Variants in MIPOL1 observed in about 807,000 individuals in gnomAD.
The protein encoded by MIPOL1 is mirror-image polydactyly gene 1 protein.
In MIPOL1, 57 loss-of-function variants were observed where a neutral mutation model predicts 60.9. That is an observed-to-expected ratio of 0.94 (90% CI 0.76 to 1.17). The LOEUF is 1.17. Ranked by LOEUF, MIPOL1 falls within the 50% of genes most tolerant of loss-of-function variation. The probability of loss-of-function intolerance (pLI) is 0.00; values close to 1 mark genes in which losing one functional copy is unlikely to be tolerated. For missense variants in MIPOL1, 551 were observed against 511.6 expected, an observed-to-expected ratio of 1.08 and a Z score of -0.74; for synonymous variants, 179 against 168.8, an observed-to-expected ratio of 1.06 and a Z score of -0.47.
chr14:37,263,538 G>A (rs185144655), intron 3 of MIPOL1, among the ~76,000 whole-genome samples: 85 of 152,254 alleles, frequency 5.6e-4, no homozygotes, highest in African/African-American at 1.9e-3. Context: ...TGAAGTGGTC[G>A]AATTCTTATG....
At chr14:37,299,528 C>G (rs2086172587) in intron 7 of MIPOL1, among the ~76,000 whole-genome samples, 1 of 152,050 alleles carries the variant, frequency 6.6e-6, no homozygotes, top group African/African-American at 2.4e-5. Flanking sequence ...GTTCATGAGT[C>G]TATATGATGG....
chr14:37,488,368 G>A (rs962437648), intron 11 of MIPOL1, among the ~76,000 whole-genome samples: 1 of 152,134 alleles, frequency 6.6e-6, no homozygotes, highest in African/African-American at 2.4e-5. Context: ...TTGAATTCCT[G>A]AATGTTCTTA....
chr14:37,290,752 TTATTA>T (rs564629714), intron 7 of MIPOL1, among the ~76,000 whole-genome samples: 107 of 152,290 alleles, frequency 7.0e-4, no homozygotes, highest in African/African-American at 2.5e-3. Context: ...CATTTGCAGG[TTATTA>T]TATAAGTAAA....
At position 37,533,215 on chromosome 14, in the gene MIPOL1, T is replaced by A. The variant is rs199545799; in HGVS notation, c.1263-13690T>A. 3.9e-5 allele frequency among the ~76,000 whole-genome samples: 6 copies of A among 152,276 alleles called. No homozygotes were observed. In the East Asian group the frequency reaches 1.2e-3, roughly 29 times the overall value. ...AAAGATTAGGACTTTATACAATGTC[T>A]AAGCCCAATAACATGCAGTTTTAAA... On this transcript the variant is annotated intron_variant, in intron 12 of 12. Coordinates refer to ENST00000684589, the MANE Select transcript of MIPOL1 (RefSeq NM_001388067.1).
chr14:37,390,836 A>G (rs1851596027), intron 10 of MIPOL1, among the ~76,000 whole-genome samples: 2 of 151,996 alleles, frequency 1.3e-5, no homozygotes, highest in South Asian at 4.1e-4. Context: ...AGGAGATGAG[A>G]AAGACAACGT....
chr14:37,221,634 G>T (rs1435554762), intron 1 of MIPOL1, among the ~76,000 whole-genome samples: 1 of 152,050 alleles, frequency 6.6e-6, no homozygotes, highest in Non-Finnish European at 1.5e-5. Context: ...AGAGAGAGAG[G>T]AAAGGGTGAA....
At chr14:37,221,021 A>G (rs1043276881) in intron 1 of MIPOL1, among the ~76,000 whole-genome samples, 3 of 149,396 alleles carry the variant, frequency 2.0e-5, no homozygotes, top group South Asian at 2.2e-4. Flanking sequence ...TTAGATGCCT[A>G]TGCTTTGTTT....
At chr14:37,501,935 A>C (rs1012789147) in intron 12 of MIPOL1, 1 of 152,354 alleles carries the variant, frequency 6.6e-6, no homozygotes, top group Non-Finnish European at 1.5e-5. Flanking sequence ...CCTGCAGACC[A>C]GGAGATTCTC....
intron 12 of MIPOL1, among the ~76,000 whole-genome samples, chr14:37,511,155 A>G (rs1594803866): frequency 6.6e-6 from 1 of 152,196 alleles, no homozygotes; most frequent in African/African-American, 2.4e-5. Flanking sequence ...GTTGTACAGG[A>G]TTACCATCCA....
chr14:37,272,178 T>C (rs2153393453), intron 6 of MIPOL1, among the ~76,000 whole-genome samples: 1 of 151,714 alleles, frequency 6.6e-6, no homozygotes, highest in South Asian at 2.1e-4. Flanking sequence ...AAAATAACAG[T>C]GTTATTTAGT....
intron 9 of MIPOL1, among the ~76,000 whole-genome samples, chr14:37,337,542 G>A (rs1431762774): frequency 6.7e-6 from 1 of 149,722 alleles, no homozygotes; most frequent in Admixed American, 6.7e-5. Context: ...CTAATTTTTT[G>A]TATTTTTAGT....
intron 4 of MIPOL1, 66 bp downstream of exon 4, chr14:37,267,235 C>G (rs991452221): frequency 5.6e-6 from 7 of 1,254,320 alleles, no homozygotes; most frequent in Admixed American, 3.6e-5. Flanking sequence ...TGCCTGTAAT[C>G]TCAGCACTTT....
At chr14:37,498,484 G>A (rs922418471) in intron 11 of MIPOL1, among the ~76,000 whole-genome samples, 2 of 152,090 alleles carry the variant, frequency 1.3e-5, no homozygotes, top group Non-Finnish European at 2.9e-5. Flanking sequence ...GAACAGACAA[G>A]AATGCAGAAA....
At chr14:37,356,723 CCTTGCG>C (rs970689525) in intron 9 of MIPOL1, among the ~76,000 whole-genome samples, 3 of 152,230 alleles carry the variant, frequency 2.0e-5, no homozygotes, top group African/African-American at 7.2e-5. Flanking sequence ...CTCCCTGACC[CCTTGCG>C]CTTCCCGAGT....
chr14:37,221,355 T>TCC (rs1483110955), intron 1 of MIPOL1, among the ~76,000 whole-genome samples: 1 of 152,046 alleles, frequency 6.6e-6, no homozygotes, highest in African/African-American at 2.4e-5. Flanking sequence ...GTGATAATGT[T>TCC]ATTAATCCAT....
chr14:37,474,817 A>G (rs2094744214), intron 11 of MIPOL1, among the ~76,000 whole-genome samples: 1 of 152,188 alleles, frequency 6.6e-6, no homozygotes, highest in Admixed American at 6.5e-5. Context: ...GATTTTTGCC[A>G]TTCTAATAAT....
intron 10 of MIPOL1, among the ~76,000 whole-genome samples, chr14:37,378,528 A>G (rs1478048909): frequency 1.3e-5 from 2 of 151,868 alleles, no homozygotes; most frequent in South Asian, 2.1e-4. Context: ...GGCTATGACT[A>G]TGGAAAGGTA....
At chr14:37,379,748 T>G (rs2092876380) in intron 10 of MIPOL1, among the ~76,000 whole-genome samples, 1 of 152,062 alleles carries the variant, frequency 6.6e-6, no homozygotes, top group African/African-American at 2.4e-5. Context: ...AATGGAAAGT[T>G]TAAAAGTAGA....
intron 3 of MIPOL1, chr14:37,265,314 A>G (rs1296706480): frequency 1.3e-5 from 2 of 152,148 alleles, no homozygotes; most frequent in Admixed American, 1.3e-4. Flanking sequence ...TATTGTATGT[A>G]TTTGGCCTCC....
Sources: allele counts gnomAD v4.1 joint callset (sites outside exome capture counted in the v4.1 genomes callset), GRCh38; gene constraint gnomAD v4.1.1; transcripts MANE v1.5; gene names NCBI Gene and HGNC (gene_info 2026-07-23, HGNC 2026-07-21).